Variants in FBXO34 observed in about 807,000 individuals in gnomAD.
FBXO34 encodes F-box only protein 34.
Under a neutral mutation model 24.5 loss-of-function variants are expected in FBXO34, and 12 were observed. That is an observed-to-expected ratio of 0.49 (90% CI 0.31 to 0.79). FBXO34 has a LOEUF of 0.79. FBXO34 is among the 30% of genes least tolerant of loss of function. FBXO34 has a pLI of 0.04. For missense variants in FBXO34, 823 were observed against 857.7 expected, an observed-to-expected ratio of 0.96 and a Z score of 0.51; for synonymous variants, 320 against 311.9, an observed-to-expected ratio of 1.03 and a Z score of -0.27.
chr14:55,316,707 A>G (rs994096289), intron 1 of FBXO34, among the ~76,000 whole-genome samples: 9 of 149,706 alleles, frequency 6.0e-5, no homozygotes, highest in African/African-American at 2.0e-4. Context: ...AGCCTGGGCA[A>G]CAGAGCAGGA....
At chr14:55,296,391 GT>G (rs1167344634) in intron 1 of FBXO34, among the ~76,000 whole-genome samples, 2,378 of 64,738 alleles carry the variant, frequency 0.037, 17 homozygotes, top group East Asian at 0.1. Context: ...TGTTTTTTTT[GT>G]TTTTTTTTTT....
At chr14:55,394,466 G>A in the FBXO34 span, among the ~76,000 whole-genome samples, 5 of 152,078 alleles carry the variant, frequency 3.3e-5, no homozygotes, top group Non-Finnish European at 5.9e-5. Context: ...CTTAAAATCT[G>A]GAAGCAAACT....
the FBXO34 span, among the ~76,000 whole-genome samples, chr14:55,431,906 T>G: frequency 6.6e-6 from 1 of 152,170 alleles, no homozygotes; most frequent in Admixed American, 6.5e-5. Context: ...TATAGAACAT[T>G]TCCATCTAGA....
chr14:55,346,616 A>G (rs1005564486), intron 1 of FBXO34, among the ~76,000 whole-genome samples: 6 of 152,166 alleles, frequency 3.9e-5, no homozygotes, highest in Admixed American at 1.3e-4. Flanking sequence ...TGGTCTAGAA[A>G]CAGAAAGAAC....
the FBXO34 span, among the ~76,000 whole-genome samples, chr14:55,441,588 C>T: frequency 3.3e-5 from 5 of 152,106 alleles, no homozygotes; most frequent in African/African-American, 7.2e-5. Context: ...CTGAGCGTTC[C>T]GTCTAAAGCC....
chr14:55,386,815 T>C, the FBXO34 span, among the ~76,000 whole-genome samples: 1 of 152,196 alleles, frequency 6.6e-6, no homozygotes, highest in African/African-American at 2.4e-5. Flanking sequence ...GGGCTGTAGC[T>C]AAACTTCACT....
At chr14:55,411,598 G>T in the FBXO34 span, 1 of 1,604,808 alleles carries the variant, frequency 6.2e-7, no homozygotes, top group Non-Finnish European at 8.5e-7. Flanking sequence ...GGCGGCCGCC[G>T]TACCTCTCCC....
the FBXO34 span, among the ~76,000 whole-genome samples, chr14:55,417,297 G>A: frequency 5.9e-5 from 9 of 151,996 alleles, no homozygotes; most frequent in African/African-American, 2.2e-4. Flanking sequence ...GTTAAAATGA[G>A]GGGATTTGGT....
chr14:55,424,108 A>G, the FBXO34 span: 1 of 1,288,504 alleles, frequency 7.8e-7, no homozygotes, highest in South Asian at 1.2e-5. Flanking sequence ...TAAGCAAAGC[A>G]CATGCATAGC....
chr14:55,406,523 A>T, the FBXO34 span, among the ~76,000 whole-genome samples: 4 of 152,210 alleles, frequency 2.6e-5, no homozygotes, highest in Non-Finnish European at 5.9e-5. Flanking sequence ...TTCAAGGCCT[A>T]TTGACAGTCG....
the FBXO34 span, among the ~76,000 whole-genome samples, chr14:55,419,212 C>T: frequency 6.6e-6 from 1 of 152,184 alleles, no homozygotes; most frequent in Non-Finnish European, 1.5e-5. Flanking sequence ...TGCCTGTTGC[C>T]CTGCGGCACA....
At chr14:55,387,897 T>C in the FBXO34 span, among the ~76,000 whole-genome samples, 3 of 152,110 alleles carry the variant, frequency 2.0e-5, no homozygotes, top group Non-Finnish European at 2.9e-5. Context: ...CTGACCTCAA[T>C]GTGATCCGCC....
the FBXO34 span, among the ~76,000 whole-genome samples, chr14:55,375,808 G>A: frequency 2.0e-5 from 3 of 152,126 alleles, no homozygotes; most frequent in Non-Finnish European, 4.4e-5. Flanking sequence ...TGTTAACACA[G>A]CACTGATAGT....
downstream of FBXO34, chr14:55,369,787 G>T: frequency 6.2e-7 from 1 of 1,614,200 alleles, no homozygotes; most frequent in Non-Finnish European, 8.5e-7. Flanking sequence ...GACTAGGCAA[G>T]TTCTCCCAGT....
chr14:55,297,659 A>G (rs1882187236), intron 1 of FBXO34, among the ~76,000 whole-genome samples: 1 of 152,198 alleles, frequency 6.6e-6, no homozygotes, highest in African/African-American at 2.4e-5. Flanking sequence ...CTCAAAGAAC[A>G]CTTGGTATCA....
chr14:55,322,370 G>A (rs1036283712), intron 1 of FBXO34, among the ~76,000 whole-genome samples: 1 of 151,398 alleles, frequency 6.6e-6, no homozygotes, highest in Non-Finnish European at 1.5e-5. Context: ...ACATCTTTCT[G>A]TGTATTTGCA....
At chr14:55,390,662 C>T in the FBXO34 span, among the ~76,000 whole-genome samples, 4 of 152,204 alleles carry the variant, frequency 2.6e-5, no homozygotes, top group East Asian at 1.9e-4. Flanking sequence ...TGAGCTACCA[C>T]GCCTGGCGCC....
chr14:55,352,556 G>T lies in FBXO34; in HGVS notation c.*30G>T. On this transcript the variant is annotated 3_prime_UTR_variant, in exon 2 of 2. Transcript: ENST00000313833. ...CATGTGAGAGGCAACAAAAGGACCG[G>T]TTTCTAAAGCTGCAAAACACCTAGA... 1 of 1,549,028 alleles carries T rather than the reference G, an allele frequency of 6.5e-7. No individual in the cohort carries two copies. The highest frequency in any genetic ancestry group is 8.7e-7 in the Non-Finnish European group (1 of 1,147,416).
chr14:55,380,628 C>G, the FBXO34 span: 1 of 1,613,184 alleles, frequency 6.2e-7, no homozygotes, highest in East Asian at 2.2e-5. Context: ...AGAATGTTGA[C>G]CAGCTGAGTT....
Sources: allele counts gnomAD v4.1 joint callset (sites outside exome capture counted in the v4.1 genomes callset), GRCh38; gene constraint gnomAD v4.1.1; transcripts MANE v1.5; gene names NCBI Gene and HGNC (gene_info 2026-07-23, HGNC 2026-07-21).